The following FCRL1 variants were observed in gnomAD, a reference collection of about 807,000 sequenced individuals.
The protein encoded by FCRL1 is Fc receptor like 1, also known as Fc receptor-like protein 1.
A neutral mutation model predicts 49.2 loss-of-function variants in FCRL1; 34 were observed. That is an observed-to-expected ratio of 0.69 (90% confidence interval 0.53 to 0.92). The LOEUF (loss-of-function observed/expected upper bound fraction) is 0.92, where lower values mean the gene tolerates loss of function less well. Among genes scored for constraint, FCRL1 ranks in the 40% least tolerant of loss-of-function variants. FCRL1 has a pLI of 0.00. For synonymous variants in FCRL1, 218 were observed against 201.6 expected (o/e 1.08, Z -0.69); for missense variants, 524 against 524.1 (o/e 1.00, Z 0.00).
At chr1:157,804,306 G>A in intron 2 of FCRL1, 195 bp from the exon 3 acceptor site, 1 of 592,882 alleles carries the variant, frequency 1.7e-6, no homozygotes, top group Non-Finnish European at 3.0e-6. Context: ...CTCACCCCTG[G>A]TACATCCTGC....
intron 4 of FCRL1, 67 bp from the exon 5 acceptor site, chr1:157,802,260 C>A (rs1417439288): frequency 3.2e-6 from 5 of 1,577,144 alleles, no homozygotes; most frequent in Non-Finnish European, 4.3e-6. Flanking sequence ...TCCCTGCCCA[C>A]CGATGCTCAG....
rs1651328372 is a variant in FCRL1 at position 157,795,419 on chromosome 1, G to A, written c.*680C>T. The stretch of plus-strand genomic sequence containing the variant: ...ATATTACCACGATTTCAAAAATTTT[G>A]TGAATAAAAGAAGACACACTGTATT... On this transcript the variant is annotated 3_prime_UTR_variant, in exon 11 of 11. Transcript: ENST00000368176. The A allele has an allele frequency of 6.6e-6, 1 of 152,112 alleles. No homozygotes were observed. The highest frequency in any genetic ancestry group is 1.5e-5 in the Non-Finnish European group (1 of 68,020). The allele number at this position is 152,112 out of a possible 1,614,324, so 9.4% of individuals were successfully genotyped here.
At chr1:157,802,969 A>G (rs748637002) in intron 3 of FCRL1, among the ~76,000 whole-genome samples, 13 of 152,238 alleles carry the variant, frequency 8.5e-5, no homozygotes, top group Non-Finnish European at 1.8e-4. Context: ...AAGTGATTAC[A>G]AGTCTAAATT....
chr1:157,799,709 T>C (rs1277030037), intron 7 of FCRL1, among the ~76,000 whole-genome samples: 1 of 151,876 alleles, frequency 6.6e-6, no homozygotes, highest in Non-Finnish European at 1.5e-5. Flanking sequence ...AGTTAATGGG[T>C]GCAGCACACG....
chr1:157,802,021 G>C lies in FCRL1; in HGVS notation c.780C>G (p.Ala260=). The change falls in exon 5 of 11, where the codon GCC becomes GCG. Residue 260 remains alanine, a synonymous_variant. Coordinates refer to ENST00000368176, the MANE Select transcript of FCRL1 (RefSeq NM_052938.5). ...CTTCAGTCAGGGAAAGGTTGAAGGA[G>C]GCTCCTCCTCCAGAGGGGGCCGACC... ...GSRSAPSGGG[A]SFNLSLTEEH... The C allele has an allele frequency of 6.2e-7, 1 of 1,614,226 alleles. No individual in the cohort carries two copies. Among genetic ancestry groups the C allele is most frequent in the Non-Finnish European group, 8.5e-7 (1 of 1,180,038 alleles).
intron 9 of FCRL1, 35 bp from the exon 10 acceptor site, chr1:157,797,167 T>C: frequency 6.2e-7 from 1 of 1,608,070 alleles, no homozygotes; most frequent in Non-Finnish European, 8.5e-7. Flanking sequence ...GACATTCCAC[T>C]TATATTTAAA....
At chr1:157,798,338 T>C in intron 7 of FCRL1, 95 bp from the exon 8 acceptor site, 1 of 1,052,318 alleles carries the variant, frequency 9.5e-7, no homozygotes, top group Non-Finnish European at 1.4e-6. Flanking sequence ...CAAATTGTCC[T>C]GAGCAGAATA....
At chr1:157,800,144 T>A in intron 6 of FCRL1, 59 bp from the exon 7 acceptor site, 1 of 1,535,428 alleles carries the variant, frequency 6.5e-7, no homozygotes, top group Non-Finnish European at 9.0e-7. Context: ...GTCAGCACTG[T>A]CAGTGTTTTC....
At chr1:157,797,983 C>G (rs1651805557) in intron 8 of FCRL1, 44 bp from the exon 9 acceptor site, 2 of 1,596,426 alleles carry the variant, frequency 1.3e-6, no homozygotes, top group Non-Finnish European at 1.7e-6. Context: ...CCCCTGATTC[C>G]TGTCTTTCAA....
At chr1:157,799,019 GAGAC>G (rs951466937) in intron 7 of FCRL1, among the ~76,000 whole-genome samples, 14 of 152,068 alleles carry the variant, frequency 9.2e-5, no homozygotes, top group Non-Finnish European at 2.1e-4. Flanking sequence ...ATTTATTTAT[GAGAC>G]AGAGTCTTGC....
Position 157,803,967 on chromosome 1 carries a change from C to A in FCRL1, c.197G>T (p.Ser66Ile), listed in dbSNP as rs145603590. The A allele has an allele frequency of 1.3e-4, 212 of 1,614,212 alleles. 1 individual carries two copies. The East Asian group carries it at 3.6e-3, about 28-fold the overall frequency. Reference sequence around the variant, plus strand: ...AGCGATCTGGAGCTTGGGGGAGCTGCTCCAGCCTGGGCCCAAGGCCCGGGT... The same window carrying A: ...AGCGATCTGGAGCTTGGGGGAGCTGATCCAGCCTGGGCCCAAGGCCCGGGT... ...RDTRALGPGW[S>I]SSPKLQIAAM... The change falls in exon 3 of 11, where the codon AGC becomes ATC. Residue 66 changes from serine to isoleucine, a missense_variant. Transcript: ENST00000368176.
At position 157,809,831 on chromosome 1, in the gene FCRL1, G is replaced by A. The variant is rs117527868; in HGVS notation, c.32-2709C>T. On this transcript the variant is annotated intron_variant, in intron 1 of 10. Transcript: ENST00000368176. ...TCCAGCTACTCAGGGAGCTGAGGCA[G>A]GTGCATCACTTGAGACCAGGAATTC... 1.2e-4 allele frequency among the ~76,000 whole-genome samples: 18 copies of A among 152,272 alleles called. No individual in the cohort carries two copies. The East Asian group carries it at 3.5e-3, about 29-fold the overall frequency.
At position 157,797,870 on chromosome 1, in the gene FCRL1, G is replaced by A; in HGVS notation, c.1184C>T (p.Ala395Val). Residue 395 changes from alanine (A) to valine (V), a missense_variant and splice_region_variant, in exon 9 of 11, where the codon GCA (alanine) becomes GTA (valine). By Grantham distance (64) the Ala-to-Val change is moderately conservative. Coordinates refer to ENST00000368176, the MANE Select transcript of FCRL1 (RefSeq NM_052938.5). ...AAATTTACTCCCCCATGTCTCACCT[G>A]CTACTGATTCCTGCTCCGGCTGGTT... ...YYNQPEQESV[A>V]AETLGTHMED... is the part of the protein sequence containing the mutation. 1.2e-5 allele frequency: 20 copies of A among 1,614,154 alleles called. No homozygotes were observed. Among genetic ancestry groups the A allele is most frequent in the Non-Finnish European group, 1.7e-5 (20 of 1,180,004 alleles).
intron 5 of FCRL1, 143 bp downstream of exon 5, chr1:157,801,772 C>T (rs1475625601): frequency 9.8e-7 from 1 of 1,017,098 alleles, no homozygotes; most frequent in Admixed American, 2.6e-5. Context: ...CATGCCCCTC[C>T]AATACATCAC....
chr1:157,798,308 T>C, intron 7 of FCRL1, 65 bp from the exon 8 acceptor site: 1 of 1,333,638 alleles, frequency 7.5e-7, no homozygotes, highest in South Asian at 1.3e-5. Context: ...GATATCACAC[T>C]GAAGGAGAGA....
intron 1 of FCRL1, among the ~76,000 whole-genome samples, chr1:157,814,833 A>C (rs1403094625): frequency 6.6e-6 from 1 of 152,034 alleles, no homozygotes; most frequent in Non-Finnish European, 1.5e-5. Context: ...ATAGAATTTA[A>C]GTCAAAAACT....
rs1652677003 is a variant in FCRL1, at chr1:157,802,391, C to T, written c.593G>A (p.Ser198Asn). Residue 198 changes from serine to asparagine, a missense_variant, in exon 4 of 11, where the codon AGC (serine) becomes AAC (asparagine). By Grantham distance (46) the Ser-to-Asn change is conservative (BLOSUM62 1). Transcript: ENST00000368176. ...GYGPSPSGLVSITVRIPVSRP... is the reference protein window; with the variant it reads ...GYGPSPSGLVNITVRIPVSRP... Reference sequence around the variant, plus strand: ...GTGGAACTTACTTCTGACAGTGATGCTCACCAGCCCACTGGGGCTGGGACC... The same window carrying T: ...GTGGAACTTACTTCTGACAGTGATGTTCACCAGCCCACTGGGGCTGGGACC... The T allele has an allele frequency of 2.5e-6, 4 of 1,613,956 alleles. No individual in the cohort carries two copies. Among genetic ancestry groups the T allele is most frequent in the Admixed American group, 1.7e-5 (1 of 60,012 alleles).
chr1:157,811,294 C>T (rs1202800095), intron 1 of FCRL1, among the ~76,000 whole-genome samples: 3 of 152,136 alleles, frequency 2.0e-5, no homozygotes, highest in Non-Finnish European at 4.4e-5. Flanking sequence ...CACTGAAGTA[C>T]AGCAGGGGAA....
intron 1 of FCRL1, among the ~76,000 whole-genome samples, chr1:157,811,695 C>G (rs1247132728): frequency 6.6e-6 from 1 of 152,174 alleles, no homozygotes; most frequent in Non-Finnish European, 1.5e-5. Context: ...AGAGTGTGTT[C>G]TGTTCCTGGG....
Sources: allele counts gnomAD v4.1 joint callset (sites outside exome capture counted in the v4.1 genomes callset), GRCh38; gene constraint gnomAD v4.1.1; transcripts MANE v1.5; gene names NCBI Gene and HGNC (gene_info 2026-07-23, HGNC 2026-07-21).